The following PRKCQ variants were observed in gnomAD, a reference collection of about 807,000 sequenced individuals.
PRKCQ encodes the protein protein kinase C theta type.
In PRKCQ, 41 loss-of-function variants were observed where a neutral mutation model predicts 91.2. The ratio of observed to expected loss-of-function variants is 0.45; its 90% CI spans 0.35 to 0.58. The LOEUF is 0.58. Ranked by LOEUF, PRKCQ falls within the 20% of genes least tolerant of loss-of-function variation. PRKCQ has a pLI of 0.00. For synonymous variants in PRKCQ, 307 were observed against 316.9 expected (o/e 0.97, Z 0.33); for missense variants, 673 against 896.5 (o/e 0.75, Z 3.18).
At chr10:6,439,113 A>C (rs548995246) in intron 16 of PRKCQ, among the ~76,000 whole-genome samples, 54 of 152,210 alleles carry the variant, frequency 3.5e-4, no homozygotes, top group Non-Finnish European at 6.5e-4. Flanking sequence ...TAGAGTCCAG[A>C]TCTTTCTTGA....
At chr10:6,454,750 G>A (rs1354806452) in intron 15 of PRKCQ, among the ~76,000 whole-genome samples, 1 of 152,104 alleles carries the variant, frequency 6.6e-6, no homozygotes, top group Non-Finnish European at 1.5e-5. Context: ...AGGAAGAAGT[G>A]CAGGTGGGCC....
intron 16 of PRKCQ, among the ~76,000 whole-genome samples, chr10:6,438,892 C>G (rs1195833206): frequency 6.6e-6 from 1 of 152,170 alleles, no homozygotes; most frequent in Non-Finnish European, 1.5e-5. Flanking sequence ...GCCACCACAC[C>G]CAGCCTAGAT....
At chr10:6,554,852 C>A (rs77519638) in intron 1 of PRKCQ, among the ~76,000 whole-genome samples, 1,578 of 152,192 alleles carry the variant, frequency 0.01, 26 homozygotes, top group African/African-American at 0.037. Flanking sequence ...TATCTATGTT[C>A]GTGGCAACAC....
intron 15 of PRKCQ, among the ~76,000 whole-genome samples, chr10:6,445,896 T>C (rs1834261054): frequency 6.6e-6 from 1 of 152,204 alleles, no homozygotes; most frequent in Admixed American, 6.5e-5. Context: ...ACCAGAAACG[T>C]CTCTGAACCA....
At chr10:6,476,253 A>T (rs1836260681) in intron 12 of PRKCQ, among the ~76,000 whole-genome samples, 1 of 151,762 alleles carries the variant, frequency 6.6e-6, no homozygotes, top group African/African-American at 2.4e-5. Flanking sequence ...CCTATCTTCT[A>T]CAAAGTGGGA....
intron 1 of PRKCQ, among the ~76,000 whole-genome samples, chr10:6,523,335 C>T (rs1167715779): frequency 2.0e-5 from 3 of 151,984 alleles, no homozygotes; most frequent in Non-Finnish European, 2.9e-5. Context: ...CCTATAGTTC[C>T]GGCTACTCGG....
rs576709027 is a variant in PRKCQ, at chr10:6,490,329, A to C, written c.790+1354T>G. Among the ~76,000 whole-genome samples, 18 of 152,240 alleles carry C rather than the reference A, an allele frequency of 1.2e-4. No individual in the cohort carries two copies. The South Asian group carries it at 1.5e-3, about 12-fold the overall frequency. On this transcript the variant is annotated intron_variant, in intron 8 of 17. Coordinates refer to ENST00000263125, the MANE Select transcript of PRKCQ (RefSeq NM_006257.5). Reference sequence around the variant, plus strand: ...TGTGCCGCCTTCCATCACGTACCTCATTGCTCAAAAGAGAGGACATACATT... The same window carrying C: ...TGTGCCGCCTTCCATCACGTACCTCCTTGCTCAAAAGAGAGGACATACATT...
downstream of PRKCQ, among the ~76,000 whole-genome samples, chr10:6,423,350 G>A (rs567080635): frequency 7.2e-5 from 11 of 152,276 alleles, no homozygotes; most frequent in South Asian, 6.2e-4. Context: ...TTTGGGTTCC[G>A]GACTTATTTA....
intron 1 of PRKCQ, among the ~76,000 whole-genome samples, chr10:6,524,893 T>G (rs1029933495): frequency 6.6e-6 from 1 of 152,202 alleles, no homozygotes; most frequent in Non-Finnish European, 1.5e-5. Context: ...AGGCTCTCAC[T>G]GATGTAGGAC....
chr10:6,486,088 T>A lies in PRKCQ; in HGVS notation c.847A>T (p.Ile283Leu). ...CQTKVANLCG[I>L]NQKLMAEALA... ...GCTTCAGCCATTAGCTTCTGGTTTA[T>A]GCCACAAAGGTTGGCCACCTTTGTC... The change falls in exon 9 of 18, where the codon ATA becomes TTA. Residue 283 changes from isoleucine to leucine, a missense_variant. Physicochemically the swap from Ile to Leu is conservative, Grantham distance 5. Transcript: ENST00000263125. 6.2e-7 allele frequency: 1 copy of A among 1,614,204 alleles called. No individual in the cohort carries two copies. The highest frequency in any genetic ancestry group is 8.5e-7 in the Non-Finnish European group (1 of 1,180,042).
At chr10:6,446,576 G>C (rs1159575961) in intron 15 of PRKCQ, among the ~76,000 whole-genome samples, 1 of 151,960 alleles carries the variant, frequency 6.6e-6, no homozygotes, top group African/African-American at 2.4e-5. Flanking sequence ...ATGTTGGCCA[G>C]GCTGGTCTCG....
downstream of PRKCQ, among the ~76,000 whole-genome samples, chr10:6,426,072 CTG>C (rs1364186872): frequency 2.0e-5 from 3 of 152,138 alleles, no homozygotes; most frequent in Admixed American, 1.3e-4. Context: ...CCACGAGTGT[CTG>C]TGTTTTGGAA....
rs181120281 is a variant in PRKCQ, at chr10:6,500,229, T to C, written c.380-1671A>G. ...TGTGACTAGTATAGTAGGTCATTTGTTTATAACATGTGACTTGTTTCTATT... is the reference window on the plus strand; with the variant it reads ...TGTGACTAGTATAGTAGGTCATTTGCTTATAACATGTGACTTGTTTCTATT... On this transcript the variant is annotated intron_variant, in intron 4 of 17. Coordinates refer to ENST00000263125, the MANE Select transcript of PRKCQ (RefSeq NM_006257.5). Among the ~76,000 whole-genome samples, 1,251 of 152,226 alleles carry C rather than the reference T, an allele frequency of 8.2e-3. 10 individuals carry two copies. The highest frequency in any genetic ancestry group is 0.012 in the Non-Finnish European group (845 of 68,014).
At chr10:6,418,287 A>T in the PRKCQ span, among the ~76,000 whole-genome samples, 3 of 152,168 alleles carry the variant, frequency 2.0e-5, no homozygotes, top group Non-Finnish European at 4.4e-5. Flanking sequence ...CTTTCTTGAC[A>T]TTCTTCTCTT....
intron 1 of PRKCQ, among the ~76,000 whole-genome samples, chr10:6,537,115 T>C (rs1210874809): frequency 6.6e-6 from 1 of 152,180 alleles, no homozygotes; most frequent in Non-Finnish European, 1.5e-5. Context: ...AAGAGGCGGT[T>C]TGACTCCTCT....
intron 1 of PRKCQ, among the ~76,000 whole-genome samples, chr10:6,579,449 C>T (rs1281951324): frequency 6.6e-6 from 1 of 152,130 alleles, no homozygotes; most frequent in Non-Finnish European, 1.5e-5. Context: ...ATCCAGCCAG[C>T]CCGTGGACCT....
chr10:6,394,490 A>G, the PRKCQ span, among the ~76,000 whole-genome samples: 2 of 152,258 alleles, frequency 1.3e-5, no homozygotes, highest in Non-Finnish European at 2.9e-5. Context: ...AAACACAAAC[A>G]AAAAACAGCT....
the PRKCQ span, among the ~76,000 whole-genome samples, chr10:6,411,037 C>T: frequency 1.0e-4 from 15 of 150,168 alleles, no homozygotes; most frequent in South Asian, 6.3e-4. Flanking sequence ...TTGAGAAACA[C>T]GGCGGACGAT....
At chr10:6,529,199 A>G (rs776275821) in intron 1 of PRKCQ, among the ~76,000 whole-genome samples, 13 of 152,214 alleles carry the variant, frequency 8.5e-5, no homozygotes, top group African/African-American at 2.7e-4. Flanking sequence ...TTCATCAGAT[A>G]AAGTTGGGAG....
Sources: gnomAD v4.1 joint callset for allele counts (sites outside exome capture counted in the v4.1 genomes callset) on GRCh38, gnomAD v4.1.1 for gene constraint, MANE v1.5 for transcripts, NCBI Gene and HGNC (gene_info 2026-07-23, HGNC 2026-07-21) for gene names.